DACH1: variants seen among roughly 807,000 people sequenced by gnomAD.
DACH1 encodes the protein dachshund homolog 1.
In DACH1, 12 loss-of-function variants were observed where a neutral mutation model predicts 54.2. That is an observed-to-expected ratio of 0.22 (90% CI 0.14 to 0.36). The LOEUF (loss-of-function observed/expected upper bound fraction) is 0.36, where lower values mean the gene tolerates loss of function less well. Ranked by LOEUF, DACH1 falls within the 10% of genes least tolerant of loss-of-function variation. The pLI, the probability that DACH1 is intolerant of heterozygous loss-of-function variation, is 1.00. For synonymous variants in DACH1, 386 were observed against 366.2 expected (o/e 1.05, Z -0.62); for missense variants, 805 against 929.8 (o/e 0.87, Z 1.75).
At chr13:71,474,166 A>G (rs953928590) in intron 10 of DACH1, among the ~76,000 whole-genome samples, 3 of 151,866 alleles carry the variant, frequency 2.0e-5, no homozygotes, top group African/African-American at 7.3e-5. Context: ...AAAAAAATCC[A>G]TTCTTTCCTC....
At chr13:71,540,034 CTT>C (rs1491368884) in intron 6 of DACH1, among the ~76,000 whole-genome samples, 1 of 151,686 alleles carries the variant, frequency 6.6e-6, no homozygotes, top group African/African-American at 2.4e-5. Context: ...ATGAGATAAA[CTT>C]TATGAATTTA....
chr13:71,603,608 T>A (rs190428504), intron 3 of DACH1, among the ~76,000 whole-genome samples: 160 of 152,132 alleles, frequency 1.1e-3, no homozygotes, highest in Admixed American at 2.1e-3. Flanking sequence ...TAACTTGTTT[T>A]CTTTTCTGTG....
chr13:71,835,530 A>G (rs1888750129), intron 1 of DACH1, among the ~76,000 whole-genome samples: 1 of 152,030 alleles, frequency 6.6e-6, no homozygotes, highest in African/African-American at 2.4e-5. Flanking sequence ...ATTATCTCAG[A>G]CTTTTTAAAA....
intron 6 of DACH1, among the ~76,000 whole-genome samples, chr13:71,505,546 CTTAG>C (rs150929657): frequency 0.014 from 2,163 of 152,176 alleles, 57 homozygotes; most frequent in African/African-American, 0.05. Flanking sequence ...CACACATACA[CTTAG>C]TTACATAAGT....
chr13:71,505,856 G>A (rs1269358293), intron 6 of DACH1, among the ~76,000 whole-genome samples: 1 of 151,778 alleles, frequency 6.6e-6, no homozygotes, highest in Non-Finnish European at 1.5e-5. Flanking sequence ...AATTATAAGT[G>A]GCATACAGAC....
chr13:71,712,012 G>A (rs547910395), intron 1 of DACH1, among the ~76,000 whole-genome samples: 202 of 152,122 alleles, frequency 1.3e-3, no homozygotes, highest in South Asian at 6.0e-3. Flanking sequence ...AGCTAATGTC[G>A]TTCCAAAGAG....
intron 3 of DACH1, among the ~76,000 whole-genome samples, chr13:71,597,619 A>G (rs143344219): frequency 2.6e-5 from 4 of 152,200 alleles, no homozygotes; most frequent in South Asian, 2.1e-4. Flanking sequence ...CTGGCATCCA[A>G]TCAGAATTCA....
In DACH1 at chr13:71,448,429, G is replaced by A. The variant is rs1874666022; in HGVS notation, c.2084-7737C>T. Among the ~76,000 whole-genome samples the A allele has an allele frequency of 2.0e-5, 3 of 152,184 alleles. 1 individual carries two copies. In the South Asian group the frequency reaches 6.2e-4, roughly 31 times the overall value. On this transcript the variant is annotated intron_variant, in intron 10 of 10. Coordinates refer to ENST00000613252, the MANE Select transcript of DACH1 (RefSeq NM_080759.6). ...ATATTTGATAAGACAACGAAAGGAA[G>A]TCAAAATAAAAGCAAACAAACAGGA...
At chr13:71,823,454 A>C (rs530295827) in intron 1 of DACH1, among the ~76,000 whole-genome samples, 1 of 152,198 alleles carries the variant, frequency 6.6e-6, no homozygotes, top group African/African-American at 2.4e-5. Context: ...TGATTAACTT[A>C]TTTAAACTTT....
chr13:71,728,534 C>T (rs1883586731), intron 1 of DACH1, among the ~76,000 whole-genome samples: 1 of 151,964 alleles, frequency 6.6e-6, no homozygotes, highest in South Asian at 2.1e-4. Flanking sequence ...AAATAATTTC[C>T]ATGAATTCCT....
At chr13:71,726,963 T>A (rs1263174565) in intron 1 of DACH1, among the ~76,000 whole-genome samples, 1 of 152,038 alleles carries the variant, frequency 6.6e-6, no homozygotes, top group Non-Finnish European at 1.5e-5. Flanking sequence ...CATATTTTGT[T>A]AAAGACCAAT....
At chr13:71,718,123 G>A (rs1260392289) in intron 1 of DACH1, among the ~76,000 whole-genome samples, 3 of 152,038 alleles carry the variant, frequency 2.0e-5, no homozygotes, top group Non-Finnish European at 4.4e-5. Context: ...AGGAAAGAGA[G>A]CATATGGTCT....
intron 2 of DACH1, among the ~76,000 whole-genome samples, chr13:71,643,687 A>G (rs1878067199): frequency 6.6e-6 from 1 of 151,988 alleles, no homozygotes; most frequent in Non-Finnish European, 1.5e-5. Flanking sequence ...ACTGGTAATA[A>G]ATGAACCTTT....
At chr13:71,497,913 C>A (rs1025134787) in intron 6 of DACH1, among the ~76,000 whole-genome samples, 1 of 151,542 alleles carries the variant, frequency 6.6e-6, no homozygotes, top group Non-Finnish European at 1.5e-5. Context: ...GATACACAGA[C>A]ACACACACAC....
intron 1 of DACH1, among the ~76,000 whole-genome samples, chr13:71,848,548 G>T (rs1241619292): frequency 6.8e-6 from 1 of 146,258 alleles, no homozygotes; most frequent in Non-Finnish European, 1.5e-5. Context: ...AACTTTTTCA[G>T]TTTTTTTTTT....
intron 10 of DACH1, among the ~76,000 whole-genome samples, chr13:71,446,652 A>T (rs993352872): frequency 1.3e-5 from 2 of 152,112 alleles, no homozygotes; most frequent in Non-Finnish European, 2.9e-5. Context: ...AAGCAACTGG[A>T]CTGTCCCTGG....
intron 6 of DACH1, among the ~76,000 whole-genome samples, chr13:71,509,722 C>A (rs1880616779): frequency 6.6e-6 from 1 of 152,006 alleles, no homozygotes. Context: ...TGCAATTGTA[C>A]CTTTCTTTTA....
intron 3 of DACH1, among the ~76,000 whole-genome samples, chr13:71,629,599 T>C (rs1340373707): frequency 6.6e-6 from 1 of 152,152 alleles, no homozygotes; most frequent in Non-Finnish European, 1.5e-5. Flanking sequence ...AACTATGTCT[T>C]AATGGATTGA....
intron 1 of DACH1, among the ~76,000 whole-genome samples, chr13:71,718,368 C>T (rs754685326): frequency 1.3e-5 from 2 of 151,852 alleles, no homozygotes; most frequent in African/African-American, 2.4e-5. Context: ...AAGGATCTCT[C>T]GAGCTCAGGA....
Sources: allele counts gnomAD v4.1 joint callset (sites outside exome capture counted in the v4.1 genomes callset), GRCh38; gene constraint gnomAD v4.1.1; transcripts MANE v1.5; gene names NCBI Gene and HGNC (gene_info 2026-07-23, HGNC 2026-07-21).